TOP1MT: variants seen among roughly 807,000 people sequenced by gnomAD.
TOP1MT encodes the protein DNA topoisomerase I, mitochondrial.
In TOP1MT, 80 loss-of-function variants were observed where a neutral mutation model predicts 73.9. The ratio of observed to expected loss-of-function variants is 1.08; its 90% CI spans 0.90 to 1.30. TOP1MT has a LOEUF of 1.30. Among genes scored for constraint, TOP1MT ranks in the 50% most tolerant of loss-of-function variants. The pLI is 0.00. For missense variants in TOP1MT, 815 were observed against 808.0 expected (o/e 1.01, Z -0.10); for synonymous variants, 338 against 326.4 (o/e 1.04, Z -0.38).
intron 7 of TOP1MT, among the ~76,000 whole-genome samples, chr8:143,322,553 C>T (rs118069519): frequency 0.32 from 32,382 of 102,226 alleles, 8,143 homozygotes; most frequent in East Asian, 0.67. Context: ...CACACACACG[C>T]ACGCCACACA....
intron 3 of TOP1MT, 108 bp downstream of exon 3, chr8:143,329,242 A>T: frequency 7.8e-7 from 1 of 1,280,866 alleles, no homozygotes; most frequent in Admixed American, 2.7e-5. Context: ...GTGGTCACAC[A>T]GGGGCCACCG....
intron 8 of TOP1MT, among the ~76,000 whole-genome samples, chr8:143,320,982 T>C (rs1816321483): frequency 6.6e-6 from 1 of 152,086 alleles, no homozygotes; most frequent in Non-Finnish European, 1.5e-5. Context: ...CACGTGCCCT[T>C]TTCAGCCCCC....
chr8:143,346,953 C>CTTTCTTTATTTA (rs112672257), upstream of TOP1MT, among the ~76,000 whole-genome samples: 1 of 140,860 alleles, frequency 7.1e-6, no homozygotes, highest in African/African-American at 2.6e-5. Context: ...AGCCTCACTT[C>CTTTCTTTATTTA]TTTATTTATT....
Position 143,329,346 on chromosome 8 carries a change from C to G in TOP1MT, c.360+4G>C. 6.2e-7 allele frequency: 1 copy of G among 1,602,840 alleles called. No homozygotes were observed. Among genetic ancestry groups the G allele is most frequent in the Non-Finnish European group, 8.5e-7 (1 of 1,176,584 alleles). ...CAGCTGTGGCGGCCGCCCAGGGTAC[C>G]TACCTTTCGCCAGTCATTGAAGAAG... On this transcript the variant is annotated splice_donor_region_variant and intron_variant, in intron 3 of 13. Coordinates refer to ENST00000329245, the MANE Select transcript of TOP1MT (RefSeq NM_052963.3).
chr8:143,324,953 G>A (rs79943160), intron 5 of TOP1MT, among the ~76,000 whole-genome samples: 1 of 152,300 alleles, frequency 6.6e-6, no homozygotes, highest in East Asian at 1.9e-4. Flanking sequence ...GGGTCCTGCA[G>A]GCAGGGTCCC....
chr8:143,324,489 A>G lies in TOP1MT; in HGVS notation c.812T>C (p.Leu271Pro). The change falls in exon 6 of 14, where the codon CTG becomes CCG. Residue 271 changes from leucine (L) to proline (P), a missense_variant. By Grantham distance (98) the Leu-to-Pro change is moderately conservative (BLOSUM62 -3). Transcript: ENST00000329245. ...CCTGCCAAGCCCTGCGCTCACCTTCAGCTTCGAGCAAGGGTTCAGCATGAT... is the reference window on the plus strand; with the variant it reads ...CCTGCCAAGCCCTGCGCTCACCTTCGGCTTCGAGCAAGGGTTCAGCATGAT... Reference protein sequence around the residue: ...KYIMLNPCSKLKGETAWQKFE... With the variant: ...KYIMLNPCSKPKGETAWQKFE... The G allele has an allele frequency of 6.2e-7, 1 of 1,613,888 alleles. No individual in the cohort carries two copies. Among genetic ancestry groups the G allele is most frequent in the Non-Finnish European group, 8.5e-7 (1 of 1,180,012 alleles).
chr8:143,347,145 C>G (rs528410462), upstream of TOP1MT, among the ~76,000 whole-genome samples: 1 of 151,650 alleles, frequency 6.6e-6, no homozygotes, highest in Admixed American at 6.6e-5. Context: ...CCACCACACC[C>G]GGCTAATTTT....
chr8:143,326,290 T>A lies in TOP1MT; in HGVS notation c.415A>T (p.Thr139Ser). 6 of 1,614,036 alleles carry A rather than the reference T, an allele frequency of 3.7e-6. No homozygotes were observed. Among genetic ancestry groups the A allele is most frequent in the Non-Finnish European group, 4.2e-6 (5 of 1,180,018 alleles). Residue 139 changes from threonine (T) to serine (S), a missense_variant, in exon 4 of 14, where the codon ACG (threonine) becomes TCG (serine). Around this residue, in one of 3 missense-constraint regions of TOP1MT, gnomAD observed 751 missense variants for 725.4 expected, o/e 1.04. Coordinates refer to ENST00000329245, the MANE Select transcript of TOP1MT (RefSeq NM_052963.3). Reference sequence around the variant, plus strand: ...TCCACAAAGTATCTGTGGATCTCCGTGAAGTCACACTTGTCCAGGCTCTTG... The same window carrying A: ...TCCACAAAGTATCTGTGGATCTCCGAGAAGTCACACTTGTCCAGGCTCTTG... ...VIKSLDKCDFTEIHRYFVDKA... is the reference protein window; with the variant it reads ...VIKSLDKCDFSEIHRYFVDKA...
At chr8:143,329,594 C>T (rs1816798877) in intron 2 of TOP1MT, 123 bp from the exon 3 acceptor site, 4 of 1,182,172 alleles carry the variant, frequency 3.4e-6, no homozygotes, top group South Asian at 2.9e-5. Flanking sequence ...GAAGCTAGGC[C>T]TTCTTCTGTA....
upstream of TOP1MT, among the ~76,000 whole-genome samples, chr8:143,347,723 G>T (rs939717653): frequency 6.6e-6 from 1 of 151,464 alleles, no homozygotes; most frequent in Non-Finnish European, 1.5e-5. Context: ...CAGCCAGCCA[G>T]CCAGCCAGCG....
At chr8:143,321,993 T>TGCTCACCACAC (rs1563758669) in intron 7 of TOP1MT, among the ~76,000 whole-genome samples, 840 of 20,526 alleles carry the variant, frequency 0.041, 3 homozygotes, top group East Asian at 0.1. Flanking sequence ...GCCACACACA[T>TGCTCACCACAC]GCACGCCACA....
At chr8:143,358,722 CA>C (rs1413223659), upstream of TOP1MT, 11 of 152,206 alleles carry the variant, frequency 7.2e-5, no homozygotes, top group Non-Finnish European at 1.5e-4. Flanking sequence ...AGGACCGTTC[CA>C]CAGAGGTGAG....
intron 12 of TOP1MT, among the ~76,000 whole-genome samples, chr8:143,311,856 C>T (rs1347572214): frequency 6.6e-6 from 1 of 152,084 alleles, no homozygotes; most frequent in Non-Finnish European, 1.5e-5. Context: ...AATAACTGGG[C>T]ACCAGCCAGT....
upstream of TOP1MT, chr8:143,359,436 G>C (rs1322589887): frequency 2.0e-6 from 2 of 985,188 alleles, no homozygotes; most frequent in Non-Finnish European, 2.4e-6. Context: ...AATCCCATCA[G>C]CGACGGCCGT....
chr8:143,353,700 G>C (rs909593745), intron 1 of TOP1MT, among the ~76,000 whole-genome samples: 1 of 151,944 alleles, frequency 6.6e-6, no homozygotes, highest in African/African-American at 2.4e-5. Flanking sequence ...AAGTTTATTG[G>C]GGCCGGACAT....
In TOP1MT at chr8:143,321,373, GCT is replaced by G. The variant is rs747360290; in HGVS notation, c.972_973del (p.Arg324SerfsTer4). ...CTCACCGTCCTCCTTCTCATTTCCTGCTCTCAGTGCCAGCTAGTTGGTGGGGA... is the reference window on the plus strand; with the variant it reads ...CTCACCGTCCTCCTTCTCATTTCCTGCTCAGTGCCAGCTAGTTGGTGGGGA... On this transcript the variant is annotated frameshift_variant, in exon 8 of 14. Coordinates refer to ENST00000329245, the MANE Select transcript of TOP1MT (RefSeq NM_052963.3). LOFTEE classifies it high-confidence loss of function. 4.4e-6 allele frequency: 7 copies of G among 1,587,204 alleles called. No individual in the cohort carries two copies. The South Asian group carries it at 7.8e-5, about 18-fold the overall frequency.
At chr8:143,359,220 G>C (rs1384055429), upstream of TOP1MT, 1 of 984,612 alleles carries the variant, frequency 1.0e-6, no homozygotes, top group South Asian at 4.7e-5. Flanking sequence ...GGAGCTTATG[G>C]CTTTAGATGC....
chr8:143,321,784 CACACACGCACGCCACACACGCACGCT>C, intron 7 of TOP1MT, among the ~76,000 whole-genome samples: 1 of 87,882 alleles, frequency 1.1e-5, no homozygotes, highest in East Asian at 3.7e-4. Context: ...ACACGCACGC[CACACACGCACGCCACACACGCACGCT>C]ACACACACAC....
upstream of TOP1MT, among the ~76,000 whole-genome samples, chr8:143,335,545 G>T (rs1816968114): frequency 6.6e-6 from 1 of 152,206 alleles, no homozygotes; most frequent in Non-Finnish European, 1.5e-5. Flanking sequence ...CCCTGACCAG[G>T]GTTTAACCCC....
Sources: gnomAD v4.1 joint callset for allele counts (sites outside exome capture counted in the v4.1 genomes callset) on GRCh38, gnomAD v4.1.1 for gene constraint, gnomAD v4.1.1 regional missense constraint, MANE v1.5 for transcripts, NCBI Gene and HGNC (gene_info 2026-07-23, HGNC 2026-07-21) for gene names.